The following SOX5 variants were observed in gnomAD, a reference collection of about 807,000 sequenced individuals.
SOX5 encodes SRY-box transcription factor 5.
A neutral mutation model predicts 92.0 loss-of-function variants in SOX5; 9 were observed. That is an observed-to-expected ratio of 0.10 (90% CI 0.06 to 0.17). The LOEUF (loss-of-function observed/expected upper bound fraction) is 0.17. Among genes scored for constraint, SOX5 ranks in the 10% least tolerant of loss-of-function variants. The probability of loss-of-function intolerance (pLI) is 1.00; values close to 1 mark genes in which losing one functional copy is unlikely to be tolerated. For missense variants in SOX5, 642 were observed against 944.5 expected, an observed-to-expected ratio of 0.68 and a Z score of 4.20; for synonymous variants, 344 against 336.3, an observed-to-expected ratio of 1.02 and a Z score of -0.25.
chr12:23,974,850 A>G (rs1000547959), intron 4 of SOX5, among the ~76,000 whole-genome samples: 2 of 152,216 alleles, frequency 1.3e-5, no homozygotes, highest in African/African-American at 4.8e-5. Context: ...TTAATAAAAG[A>G]AGGAAAATTT....
chr12:24,381,518 G>A lies in SOX5; in HGVS notation c.-250-12879C>T, dbSNP rs540395711. The stretch of plus-strand genomic sequence containing the variant: ...ATAGTTTTTAAAATACCCAAGTCAC[G>A]TATTCCCACCTTATAGCCAGTGGAT... On this transcript the variant is annotated intron_variant, in intron 1 of 4. Transcript: ENST00000446891. Among the ~76,000 whole-genome samples, 20 of 152,262 alleles carry A rather than the reference G, an allele frequency of 1.3e-4. No individual in the cohort carries two copies. In the South Asian group the frequency reaches 3.1e-3, roughly 24 times the overall value.
intron 4 of SOX5, among the ~76,000 whole-genome samples, chr12:24,016,011 C>G (rs1361939952): frequency 6.6e-6 from 1 of 151,990 alleles, no homozygotes; most frequent in East Asian, 1.9e-4. Flanking sequence ...TACCTTATGT[C>G]CAAAAGAACA....
At chr12:24,058,353 A>T (rs888676435) in intron 4 of SOX5, among the ~76,000 whole-genome samples, 6 of 152,370 alleles carry the variant, frequency 3.9e-5, no homozygotes, top group Admixed American at 6.5e-5. Context: ...ACTATTTACA[A>T]TGAATTAAAA....
intron 1 of SOX5, among the ~76,000 whole-genome samples, chr12:23,914,666 C>A (rs2097393636): frequency 6.6e-6 from 1 of 152,024 alleles, no homozygotes; most frequent in Admixed American, 6.6e-5. Context: ...AAATCAATTA[C>A]TAGTCTCATT....
At chr12:23,742,449 G>A (rs941749969) in intron 4 of SOX5, among the ~76,000 whole-genome samples, 3 of 151,988 alleles carry the variant, frequency 2.0e-5, no homozygotes, top group Admixed American at 1.3e-4. Flanking sequence ...GATTCCATCA[G>A]AATGAATGAA....
intron 2 of SOX5, among the ~76,000 whole-genome samples, chr12:24,281,002 A>C (rs1375373991): frequency 4.6e-5 from 1 of 21,832 alleles, no homozygotes; most frequent in Non-Finnish European, 1.6e-4. Context: ...AGAGAGAGAG[A>C]GGAAAGAAAA....
rs57403629 is a variant in SOX5 at position 24,307,515 on chromosome 12, A to AAGGCAGGC, written c.-173-30204_-173-30203insGCCTGCCT. 2.0e-4 allele frequency among the ~76,000 whole-genome samples: 5 copies of AAGGCAGGC among 24,450 alleles called. 2 individuals are homozygous for AAGGCAGGC. The highest frequency in any genetic ancestry group is 4.1e-4 in the African/African-American group (5 of 12,076). The allele number at this position is 24,450 out of a possible 152,430, so 16.0% of individuals were successfully genotyped here. On this transcript the variant is annotated intron_variant, in intron 2 of 4. Transcript: ENST00000446891. ...GAAGGAAGGAAGGAAGGAAGGAAGG[A>AAGGCAGGC]AGGCCGGCCCCCCCACCCACCCACT...
intron 6 of SOX5, among the ~76,000 whole-genome samples, chr12:23,672,762 G>A (rs1251223164): frequency 6.6e-6 from 1 of 151,762 alleles, no homozygotes; most frequent in East Asian, 1.9e-4. Context: ...TGTGTTTATT[G>A]TTGGCAATAT....
intron 6 of SOX5, among the ~76,000 whole-genome samples, chr12:23,695,459 G>C (rs1421299585): frequency 3.3e-5 from 5 of 152,082 alleles, no homozygotes; most frequent in African/African-American, 1.2e-4. Flanking sequence ...TCTTTATTGA[G>C]AAAAGTTTCT....
chr12:23,595,417 T>A (rs1195459877), intron 9 of SOX5, among the ~76,000 whole-genome samples: 1 of 151,966 alleles, frequency 6.6e-6, no homozygotes, highest in Non-Finnish European at 1.5e-5. Context: ...GGTCAGAAGA[T>A]TGAGACCATC....
At chr12:23,597,415 C>G (rs1952656711) in intron 9 of SOX5, among the ~76,000 whole-genome samples, 1 of 152,002 alleles carries the variant, frequency 6.6e-6, no homozygotes, top group Non-Finnish European at 1.5e-5. Flanking sequence ...ACCACAGAGC[C>G]CAGAAAAGCC....
chr12:23,776,287 ACT>A (rs1376608313), intron 3 of SOX5, among the ~76,000 whole-genome samples: 2 of 152,162 alleles, frequency 1.3e-5, no homozygotes, highest in African/African-American at 4.8e-5. Context: ...TATTTTCCTC[ACT>A]GTCTTATATT....
intron 2 of SOX5, among the ~76,000 whole-genome samples, chr12:24,337,642 T>C (rs186671432): frequency 5.3e-5 from 8 of 152,284 alleles, no homozygotes; most frequent in African/African-American, 1.7e-4. Flanking sequence ...ACACTCGGCC[T>C]GAATCTGAAT....
chr12:24,509,674 T>C (rs1473331949), intron 1 of SOX5, among the ~76,000 whole-genome samples: 1 of 152,368 alleles, frequency 6.6e-6, no homozygotes, highest in East Asian at 1.9e-4. Context: ...GATGTGTTTA[T>C]GCAGAATGCC....
chr12:23,968,065 A>T (rs1270246038), intron 4 of SOX5, among the ~76,000 whole-genome samples: 1 of 152,198 alleles, frequency 6.6e-6, no homozygotes, highest in Non-Finnish European at 1.5e-5. Flanking sequence ...GCACACAATC[A>T]GAGATAGTAA....
intron 4 of SOX5, among the ~76,000 whole-genome samples, chr12:24,070,029 C>T (rs983611645): frequency 2.0e-5 from 3 of 152,252 alleles, no homozygotes; most frequent in Non-Finnish European, 2.9e-5. Context: ...CCGGGGAGAG[C>T]GCTCTGCTGA....
chr12:23,580,448 G>GT (rs1949888219), intron 9 of SOX5, among the ~76,000 whole-genome samples: 1 of 151,816 alleles, frequency 6.6e-6, no homozygotes, highest in African/African-American at 2.4e-5. Flanking sequence ...ACTTATCTTG[G>GT]TGACTTTTTT....
chr12:24,040,883 C>G (rs115394839), intron 4 of SOX5, among the ~76,000 whole-genome samples: 1 of 147,718 alleles, frequency 6.8e-6, no homozygotes, highest in Non-Finnish European at 1.5e-5. Context: ...AAGGAAAAAA[C>G]AAAAAAAAAA....
chr12:23,750,192 C>G (rs777752442), intron 4 of SOX5, among the ~76,000 whole-genome samples: 3 of 151,834 alleles, frequency 2.0e-5, no homozygotes, highest in Middle Eastern at 3.2e-3. Context: ...GACTCTGCCA[C>G]AACTAGAGTA....
Sources: gnomAD v4.1 joint callset for allele counts (sites outside exome capture counted in the v4.1 genomes callset) on GRCh38, gnomAD v4.1.1 for gene constraint, MANE v1.5 for transcripts, NCBI Gene and HGNC (gene_info 2026-07-23, HGNC 2026-07-21) for gene names.